SLC35F4: variants seen among roughly 807,000 people sequenced by gnomAD.
SLC35F4 encodes the protein solute carrier family 35 member F4.
A neutral mutation model predicts 44.2 loss-of-function variants in SLC35F4; 24 were observed. That is an observed-to-expected ratio of 0.54 (90% CI 0.39 to 0.76). The LOEUF is 0.76. Among genes scored for constraint, SLC35F4 ranks in the 30% least tolerant of loss-of-function variants. SLC35F4 has a pLI of 0.00. For missense variants in SLC35F4, 562 were observed against 586.1 expected (o/e 0.96, Z 0.42); for synonymous variants, 238 against 223.6 (o/e 1.06, Z -0.57).
intron 1 of SLC35F4, among the ~76,000 whole-genome samples, chr14:57,667,337 G>GTTTAA (rs143255216): frequency 0.029 from 3,868 of 134,286 alleles, 183 homozygotes; most frequent in African/African-American, 0.09. Context: ...TGTTGTTGTT[G>GTTTAA]TTTATTTATT....
chr14:57,760,177 GTCT>G (rs2077090967), intron 1 of SLC35F4, among the ~76,000 whole-genome samples: 1 of 151,990 alleles, frequency 6.6e-6, no homozygotes, highest in South Asian at 2.1e-4. Context: ...TTGCATTTAG[GTCT>G]TTTTTTCGCT....
At chr14:57,720,965 G>A (rs964877026) in intron 1 of SLC35F4, among the ~76,000 whole-genome samples, 3 of 110,308 alleles carry the variant, frequency 2.7e-5, no homozygotes, top group African/African-American at 9.7e-5. Flanking sequence ...GATTGTGTGA[G>A]TTAATAAACT....
chr14:57,797,617 CGT>C (rs986756576), intron 1 of SLC35F4, among the ~76,000 whole-genome samples: 1 of 152,026 alleles, frequency 6.6e-6, no homozygotes, highest in African/African-American at 2.4e-5. Flanking sequence ...GCACCTAAAA[CGT>C]ATATAAATCT....
intron 1 of SLC35F4, among the ~76,000 whole-genome samples, chr14:57,660,595 T>C (rs1000732114): frequency 1.3e-5 from 2 of 151,058 alleles, no homozygotes; most frequent in Non-Finnish European, 3.0e-5. Context: ...GTCTGCATGA[T>C]CAATAAAATA....
chr14:57,688,385 G>A (rs187036074), intron 1 of SLC35F4, among the ~76,000 whole-genome samples: 1 of 152,178 alleles, frequency 6.6e-6, no homozygotes, highest in African/African-American at 2.4e-5. Context: ...AACTCAAATT[G>A]TTGCATGGCA....
chr14:57,681,001 A>C (rs182650041), intron 1 of SLC35F4, among the ~76,000 whole-genome samples: 22,334 of 151,810 alleles, frequency 0.15, 1,855 homozygotes, highest in East Asian at 0.29. Flanking sequence ...ACTTTCTGCG[A>C]AGAATTGGAA....
At chr14:57,943,140 C>T (rs1363305498) in intron 1 of SLC35F4, among the ~76,000 whole-genome samples, 2 of 152,158 alleles carry the variant, frequency 1.3e-5, no homozygotes, top group African/African-American at 2.4e-5. Context: ...AGATCTGGGC[C>T]GTATTACTGT....
intron 1 of SLC35F4, among the ~76,000 whole-genome samples, chr14:57,640,322 A>C (rs537513901): frequency 6.6e-6 from 1 of 152,192 alleles, no homozygotes; most frequent in South Asian, 2.1e-4. Flanking sequence ...ATTCCTAATC[A>C]CAAAAAGTAC....
chr14:57,571,960 G>C lies in SLC35F4; in HGVS notation c.867C>G (p.Phe289Leu). Residue 289 changes from phenylalanine (F) to leucine (L), a missense_variant, in exon 5 of 8, where the codon TTC (phenylalanine) becomes TTG (leucine). Physicochemically the swap from Phe to Leu is conservative, Grantham distance 22. Transcript: ENST00000556826. The part of the protein sequence containing the change: ...GIVMMAYADN[F>L]HADSIIGVAF... Reference sequence around the variant, plus strand: ...CCACTCCTATGATGGAATCAGCGTGGAAATTATCTGCATATGCCATCATGA... The same window carrying C: ...CCACTCCTATGATGGAATCAGCGTGCAAATTATCTGCATATGCCATCATGA... The C allele has an allele frequency of 6.2e-7, 1 of 1,612,284 alleles. No homozygotes were observed.
chr14:57,621,578 A>G (rs961704709), intron 1 of SLC35F4, among the ~76,000 whole-genome samples: 4 of 152,262 alleles, frequency 2.6e-5, no homozygotes, highest in African/African-American at 9.6e-5. Context: ...AGGATTCCGT[A>G]TTTAATAAAT....
At chr14:57,903,541 C>T (rs919685383) in intron 1 of SLC35F4, among the ~76,000 whole-genome samples, 1 of 152,160 alleles carries the variant, frequency 6.6e-6, no homozygotes, top group African/African-American at 2.4e-5. Flanking sequence ...ATCCATCTTC[C>T]CTTCCCAACT....
rs574419132 is a variant in SLC35F4 at position 57,568,503 on chromosome 14, G to A, written c.1126+1285C>T. Among the ~76,000 whole-genome samples the A allele has an allele frequency of 3.3e-5, 5 of 152,258 alleles. No individual in the cohort carries two copies. The South Asian group carries it at 1.0e-3, about 32-fold the overall frequency. On this transcript the variant is annotated intron_variant, in intron 6 of 7. Coordinates refer to ENST00000556826, the MANE Select transcript of SLC35F4 (RefSeq NM_001306087.2). ...AAATATCACTATTGATTTCTACTCA[G>A]CTTAGCAGAGGTTATGAGAGGTGCT...
rs2077906189 is a variant in SLC35F4, at chr14:57,791,107, T to C, written c.103+74616A>G. ...TTCATGACTAAAACACCAAAAGCAA[T>C]GGCAACAAAAGCCAAAATTGACAAA... On this transcript the variant is annotated intron_variant, in intron 1 of 7. Transcript: ENST00000556826. Among the ~76,000 whole-genome samples the C allele has an allele frequency of 3.9e-5, 6 of 152,156 alleles. No individual in the cohort carries two copies. The South Asian group carries it at 1.2e-3, about 32-fold the overall frequency.
intron 1 of SLC35F4, among the ~76,000 whole-genome samples, chr14:57,665,431 G>A (rs1442753617): frequency 6.6e-6 from 1 of 152,216 alleles, no homozygotes; most frequent in African/African-American, 2.4e-5. Flanking sequence ...AGGCAAGCAC[G>A]AGTACTGTCT....
chr14:57,646,018 G>A (rs1033944884), intron 1 of SLC35F4, among the ~76,000 whole-genome samples: 2 of 152,088 alleles, frequency 1.3e-5, no homozygotes, highest in Admixed American at 6.5e-5. Context: ...TGCTGGATTC[G>A]GTTTGCCAGT....
intron 1 of SLC35F4, among the ~76,000 whole-genome samples, chr14:57,937,600 GAAAAGAAAAGAAAAGAAAAGAA>G (rs1437892187): frequency 1.4e-5 from 1 of 70,036 alleles, no homozygotes; most frequent in Non-Finnish European, 2.7e-5. Flanking sequence ...GAAAAGAAAA[GAAAAGAAAAGAAAAGAAAAGAA>G]AAGAAAAGAA....
At chr14:57,950,094 TCTC>T in intron 1 of SLC35F4, among the ~76,000 whole-genome samples, 1 of 152,178 alleles carries the variant, frequency 6.6e-6, no homozygotes, top group East Asian at 1.9e-4. Flanking sequence ...CCAGGGAAGT[TCTC>T]CTCAATTATT....
intron 1 of SLC35F4, among the ~76,000 whole-genome samples, chr14:57,653,845 G>A (rs2073870756): frequency 6.6e-6 from 1 of 152,144 alleles, no homozygotes; most frequent in Non-Finnish European, 1.5e-5. Flanking sequence ...CAACAGAAAT[G>A]TATTGCCTCA....
chr14:57,564,772 A>G (rs2068121887), intron 7 of SLC35F4, among the ~76,000 whole-genome samples: 2 of 152,166 alleles, frequency 1.3e-5, no homozygotes, highest in South Asian at 4.1e-4. Flanking sequence ...TATAAAATTA[A>G]CCATTTTAAA....
Sources: gnomAD v4.1 joint callset for allele counts (sites outside exome capture counted in the v4.1 genomes callset) on GRCh38, gnomAD v4.1.1 for gene constraint, MANE v1.5 for transcripts, NCBI Gene and HGNC (gene_info 2026-07-23, HGNC 2026-07-21) for gene names.